Variants in BRCA2 observed in about 807,000 individuals in gnomAD.
BRCA2 encodes BRCA2 DNA repair associated.
Under a neutral mutation model 276.7 loss-of-function variants are expected in BRCA2, and 203 were observed. The ratio of observed to expected loss-of-function variants is 0.73; its 90% CI spans 0.65 to 0.82. The LOEUF (loss-of-function observed/expected upper bound fraction) is 0.82. Ranked by LOEUF, BRCA2 falls within the 40% of genes least tolerant of loss-of-function variation. BRCA2 has a pLI of 0.00. For synonymous variants in BRCA2, 1,289 were observed against 1,338.4 expected, an observed-to-expected ratio of 0.96 and a Z score of 0.81; for missense variants, 3,920 against 3,915.0, an observed-to-expected ratio of 1.00 and a Z score of -0.03.
chr13:32,356,120 G>A (rs560178265), intron 14 of BRCA2, among the ~76,000 whole-genome samples: 71 of 150,768 alleles, frequency 4.7e-4, no homozygotes, highest in Middle Eastern at 3.4e-3. Context: ...TCGGCTCACC[G>A]CAACCTCCTC....
chr13:32,317,793 C>T lies in BRCA2; in HGVS notation c.67+1266C>T, dbSNP rs11571580. Among the ~76,000 whole-genome samples, 1,651 of 152,292 alleles carry T rather than the reference C, an allele frequency of 0.011. 33 individuals are homozygous for T. Among genetic ancestry groups the T allele is most frequent in the African/African-American group, 0.038 (1,575 of 41,546 alleles). On this transcript the variant is annotated intron_variant, in intron 2 of 26. Coordinates refer to ENST00000380152, the MANE Select transcript of BRCA2 (RefSeq NM_000059.4). ...TGTTTTCCTTGCAGCAACAAGATCACTTCATTGATTTGTGAGAAAATGTCT... is the reference window on the plus strand; with the variant it reads ...TGTTTTCCTTGCAGCAACAAGATCATTTCATTGATTTGTGAGAAAATGTCT...
At chr13:32,323,787 T>C (rs1427924000) in intron 3 of BRCA2, among the ~76,000 whole-genome samples, 2 of 152,220 alleles carry the variant, frequency 1.3e-5, no homozygotes, top group South Asian at 4.1e-4. Flanking sequence ...AATAAGTGAC[T>C]CAGGTGCCAA....
At chr13:32,343,209 G>T (rs986085846) in intron 11 of BRCA2, among the ~76,000 whole-genome samples, 1 of 151,914 alleles carries the variant, frequency 6.6e-6, no homozygotes, top group East Asian at 1.9e-4. Context: ...TTGTTTTTTT[G>T]TGTGTGTTTT....
rs1593918551 is a variant in BRCA2, at chr13:32,355,241, A to G, written c.7388A>G (p.Asn2463Ser). The G allele has an allele frequency of 1.2e-6, 2 of 1,613,044 alleles. No individual in the cohort carries two copies. Among genetic ancestry groups the G allele is most frequent in the South Asian group, 2.2e-5 (2 of 91,044 alleles). ...EIHQFNKNNS[N>S]QAVAVTFTKC... ...CATCAGTTTAACAAAAACAACTCCAATCAAGCAGTAGCTGTAACTTTCACA... is the reference window on the plus strand; with the variant it reads ...CATCAGTTTAACAAAAACAACTCCAGTCAAGCAGTAGCTGTAACTTTCACA... The change falls in exon 14 of 27, where the codon AAT becomes AGT. Residue 2463 changes from asparagine (N) to serine (S), a missense_variant. Transcript: ENST00000380152.
intron 24 of BRCA2, among the ~76,000 whole-genome samples, chr13:32,390,432 C>G (rs141194297): frequency 6.6e-6 from 1 of 151,846 alleles, no homozygotes; most frequent in East Asian, 1.9e-4. Flanking sequence ...AACATAAAAA[C>G]TAAATTTAAA....
chr13:32,339,073 G>T lies in BRCA2; in HGVS notation c.4718G>T (p.Cys1573Phe), dbSNP rs56249050. 6.2e-7 allele frequency: 1 copy of T among 1,613,860 alleles called. No individual in the cohort carries two copies. Among genetic ancestry groups the T allele is most frequent in the Non-Finnish European group, 8.5e-7 (1 of 1,179,916 alleles). Reference sequence around the variant, plus strand: ...AAGACCCTAAAGTACAGAGAGGCCTGTAAAGACCTTGAATTAGCATGTGAG... The same window carrying T: ...AAGACCCTAAAGTACAGAGAGGCCTTTAAAGACCTTGAATTAGCATGTGAG... The part of the protein sequence containing the change: ...WAKTLKYREA[C>F]KDLELACETI... The change falls in exon 11 of 27, where the codon TGT (cysteine) becomes TTT (phenylalanine). Residue 1573 changes from cysteine to phenylalanine, a missense_variant. By Grantham distance (205) the Cys-to-Phe change is radical (BLOSUM62 -2). Around this residue, in one of 2 missense-constraint regions of BRCA2, gnomAD observed 3,263 missense variants for 3,156.9 expected, o/e 1.03. Coordinates refer to ENST00000380152, the MANE Select transcript of BRCA2 (RefSeq NM_000059.4).
In BRCA2 at chr13:32,356,799, G is replaced by A. The variant is rs206096; in HGVS notation, c.7617+190G>A. Among the ~76,000 whole-genome samples the A allele has an allele frequency of 1, 152,138 of 152,394 alleles. 75,941 individuals are homozygous for A. The highest frequency in any genetic ancestry group is 1 in the East Asian group (5,188 of 5,188). ...CCCCTTGCTAGGCCTGCCTCATCCT[G>A]CTAAAGTGATCTGTGCTTCCAAATT... is the stretch of plus-strand genomic sequence containing the variant. On this transcript the variant is annotated intron_variant, in intron 15 of 26. Transcript: ENST00000380152.
At chr13:32,356,216 G>GT (rs1321649005) in intron 14 of BRCA2, among the ~76,000 whole-genome samples, 3 of 150,532 alleles carry the variant, frequency 2.0e-5, no homozygotes, top group Non-Finnish European at 3.0e-5. Flanking sequence ...CTACTTTTGT[G>GT]TTTTTTTTAC....
At chr13:32,375,019 A>G (rs1292914406) in intron 20 of BRCA2, among the ~76,000 whole-genome samples, 1 of 152,210 alleles carries the variant, frequency 6.6e-6, no homozygotes, top group African/African-American at 2.4e-5. Flanking sequence ...GATGAAGGAG[A>G]AGCAAGTACC....
Position 32,340,007 on chromosome 13 carries a change from T to C in BRCA2, c.5652T>C (p.Ile1884=), listed in dbSNP as rs766067138. The C allele has an allele frequency of 8.7e-6, 14 of 1,612,730 alleles. No homozygotes were observed. The South Asian group carries it at 8.8e-5, about 10-fold the overall frequency. ...AAAACAACGAGAATAAATCAAAAAT[T>C]TGCCAAACGAAAATTATGGCAGGTT... ...IKENNENKSK[I]CQTKIMAGCY... Residue 1884 remains isoleucine, a synonymous_variant, in exon 11 of 27, where the codon ATT becomes ATC. Coordinates refer to ENST00000380152, the MANE Select transcript of BRCA2 (RefSeq NM_000059.4).
At position 32,359,934 on chromosome 13, in the gene BRCA2, A is replaced by G. The variant is rs1341261351; in HGVS notation, c.7805+2005A>G. On this transcript the variant is annotated intron_variant, in intron 16 of 26. Coordinates refer to ENST00000380152, the MANE Select transcript of BRCA2 (RefSeq NM_000059.4). Reference sequence around the variant, plus strand: ...AAAAGTCCCTGCCCTGATGAGTCATACATTCTATGTGGAAGGCATAGAAAA... The same window carrying G: ...AAAAGTCCCTGCCCTGATGAGTCATGCATTCTATGTGGAAGGCATAGAAAA... Among the ~76,000 whole-genome samples, 3 of 152,376 alleles carry G rather than the reference A, an allele frequency of 2.0e-5. No homozygotes were observed. In the East Asian group the frequency reaches 5.8e-4, roughly 29 times the overall value.
intron 20 of BRCA2, among the ~76,000 whole-genome samples, chr13:32,373,377 G>A (rs973305489): frequency 8.6e-5 from 13 of 151,836 alleles, no homozygotes; most frequent in Admixed American, 2.0e-4. Context: ...GTGGTGGCAC[G>A]CGTCTGTAAT....
intron 7 of BRCA2, 96 bp from the exon 8 acceptor site, chr13:32,329,347 T>C (rs1566220464): frequency 2.5e-6 from 2 of 805,252 alleles, no homozygotes; most frequent in Non-Finnish European, 4.1e-6. Flanking sequence ...ATGTGTCATG[T>C]AATCAAATAG....
At chr13:32,371,786 C>G (rs1484566858) in intron 20 of BRCA2, among the ~76,000 whole-genome samples, 2 of 152,090 alleles carry the variant, frequency 1.3e-5, no homozygotes, top group Non-Finnish European at 2.9e-5. Context: ...TACAGTAGAG[C>G]AAATCACACG....
rs587782007 is a variant in BRCA2 at position 32,339,847 on chromosome 13, T to C, written c.5492T>C (p.Ile1831Thr). Residue 1831 changes from isoleucine (I) to threonine (T), a missense_variant, in exon 11 of 27, where the codon ATA (isoleucine) becomes ACA (threonine). Physicochemically the swap from Ile to Thr is moderately conservative, Grantham distance 89. Transcript: ENST00000380152. Reference protein sequence around the residue: ...KNKNAAIKLSISNSNNFEVGP... With the variant: ...KNKNAAIKLSTSNSNNFEVGP... Reference sequence around the variant, plus strand: ...AAAAATGCAGCCATTAAATTGTCCATATCTAATAGTAATAATTTTGAGGTA... The same window carrying C: ...AAAAATGCAGCCATTAAATTGTCCACATCTAATAGTAATAATTTTGAGGTA... 16 of 1,613,464 alleles carry C rather than the reference T, an allele frequency of 9.9e-6. No homozygotes were observed. The highest frequency in any genetic ancestry group is 1.3e-5 in the Non-Finnish European group (15 of 1,179,658).
At chr13:32,342,570 A>AT (rs1298922031) in intron 11 of BRCA2, among the ~76,000 whole-genome samples, 1 of 152,224 alleles carries the variant, frequency 6.6e-6, no homozygotes, top group African/African-American at 2.4e-5. Flanking sequence ...ATCATAGAGT[A>AT]TACTTACACA....
intron 16 of BRCA2, among the ~76,000 whole-genome samples, chr13:32,361,891 C>T: frequency 6.6e-6 from 1 of 152,126 alleles, no homozygotes; most frequent in Non-Finnish European, 1.5e-5. Flanking sequence ...AGGCAGTTCT[C>T]AGGCGTGATT....
rs876661198 is a variant in BRCA2 at position 32,338,592 on chromosome 13, A to G, written c.4237A>G (p.Lys1413Glu). The G allele has an allele frequency of 1.3e-6, 2 of 1,597,250 alleles. No individual in the cohort carries two copies. Among genetic ancestry groups the G allele is most frequent in the Non-Finnish European group, 1.7e-6 (2 of 1,170,704 alleles). Reference protein sequence around the residue: ...TSNKEQLTATKTEQNIKDFET... With the variant: ...TSNKEQLTATETEQNIKDFET... ...AAATAAAGAACAGTTAACTGCTACT[A>G]AAACGGAGCAAAATATAAAAGATTT... is the stretch of plus-strand genomic sequence containing the variant. Residue 1413 changes from lysine (K) to glutamate (E), a missense_variant, in exon 11 of 27, where the codon AAA becomes GAA. Around this residue, in one of 2 missense-constraint regions of BRCA2, gnomAD observed 3,263 missense variants for 3,156.9 expected, o/e 1.03. Coordinates refer to ENST00000380152, the MANE Select transcript of BRCA2 (RefSeq NM_000059.4).
rs1222477192 is a variant in BRCA2, at chr13:32,331,036, T to C, written c.793+6T>C. 8 of 1,592,774 alleles carry C rather than the reference T, an allele frequency of 5.0e-6. No individual in the cohort carries two copies. The highest frequency in any genetic ancestry group is 6.9e-6 in the Non-Finnish European group (8 of 1,161,338). On this transcript the variant is annotated splice_donor_region_variant and intron_variant, in intron 9 of 26. Coordinates refer to ENST00000380152, the MANE Select transcript of BRCA2 (RefSeq NM_000059.4). Reference sequence around the variant, plus strand: ...AAGAGAAGCTGCAAGTCATGGTAAGTCCTCTGTTTAGTTGAACTACAGGTT... The same window carrying C: ...AAGAGAAGCTGCAAGTCATGGTAAGCCCTCTGTTTAGTTGAACTACAGGTT...
Sources: gnomAD v4.1 joint callset for allele counts (sites outside exome capture counted in the v4.1 genomes callset) on GRCh38, gnomAD v4.1.1 for gene constraint, gnomAD v4.1.1 regional missense constraint, MANE v1.5 for transcripts, NCBI Gene and HGNC (gene_info 2026-07-23, HGNC 2026-07-21) for gene names.